The following RASGEF1C variants were observed in gnomAD, a reference collection of about 807,000 sequenced individuals.
The protein encoded by RASGEF1C is ras-GEF domain-containing family member 1C.
A neutral mutation model predicts 58.1 loss-of-function variants in RASGEF1C; 27 were observed. The ratio of observed to expected loss-of-function variants is 0.46; its 90% confidence interval spans 0.34 to 0.64. The LOEUF is 0.64. Ranked by LOEUF, RASGEF1C falls within the 30% of genes least tolerant of loss-of-function variation. The pLI is 0.01. For synonymous variants in RASGEF1C, 243 were observed against 246.3 expected, an observed-to-expected ratio of 0.99 and a Z score of 0.13; for missense variants, 502 against 605.1, an observed-to-expected ratio of 0.83 and a Z score of 1.79.
intron 1 of RASGEF1C, among the ~76,000 whole-genome samples, chr5:180,188,762 C>T (rs896558781): frequency 6.6e-5 from 10 of 152,102 alleles, no homozygotes; most frequent in African/African-American, 1.7e-4. Context: ...GCTTGGGGTA[C>T]GAATGATCCT....
At chr5:180,178,768 A>C (rs1330940554) in intron 1 of RASGEF1C, among the ~76,000 whole-genome samples, 1 of 152,012 alleles carries the variant, frequency 6.6e-6, no homozygotes, top group East Asian at 1.9e-4. Flanking sequence ...CGGGGTCCTT[A>C]TTGGCCATGA....
At chr5:180,192,408 C>T (rs1298525215) in intron 1 of RASGEF1C, among the ~76,000 whole-genome samples, 1 of 152,104 alleles carries the variant, frequency 6.6e-6, no homozygotes, top group African/African-American at 2.4e-5. Context: ...CAAGAGTGTT[C>T]ACATAGGCTG....
intron 4 of RASGEF1C, among the ~76,000 whole-genome samples, chr5:180,130,236 A>T (rs1376511038): frequency 6.6e-6 from 1 of 152,166 alleles, no homozygotes; most frequent in Non-Finnish European, 1.5e-5. Flanking sequence ...GGCCAGGGAA[A>T]CTAGGCTCCA....
chr5:180,179,571 G>T (rs145332736), intron 1 of RASGEF1C, among the ~76,000 whole-genome samples: 1 of 152,302 alleles, frequency 6.6e-6, no homozygotes, highest in East Asian at 1.9e-4. Context: ...AACCCAGCAA[G>T]AAAGCAGTGA....
intron 4 of RASGEF1C, among the ~76,000 whole-genome samples, chr5:180,132,220 T>C (rs371905773): frequency 2.0e-5 from 3 of 152,226 alleles, no homozygotes; most frequent in Non-Finnish European, 4.4e-5. Context: ...CTGATCATAG[T>C]TGGGAGGCTG....
At chr5:180,162,312 C>T (rs1174336242) in intron 1 of RASGEF1C, among the ~76,000 whole-genome samples, 1 of 152,232 alleles carries the variant, frequency 6.6e-6, no homozygotes, top group Non-Finnish European at 1.5e-5. Context: ...CTCAAAGCAG[C>T]AGGGTAAAAA....
intron 1 of RASGEF1C, among the ~76,000 whole-genome samples, chr5:180,195,717 A>T (rs372439072): frequency 7.3e-5 from 11 of 151,486 alleles, no homozygotes; most frequent in Admixed American, 5.3e-4. Flanking sequence ...AGCCGAGATC[A>T]CACCACTACT....
At chr5:180,111,194 G>A (rs1412588204) in intron 12 of RASGEF1C, among the ~76,000 whole-genome samples, 1 of 152,118 alleles carries the variant, frequency 6.6e-6, no homozygotes, top group African/African-American at 2.4e-5. Context: ...GAATTCTAAA[G>A]GTGTCCAAAC....
chr5:180,174,029 A>AGT (rs939557640), intron 1 of RASGEF1C, among the ~76,000 whole-genome samples: 1 of 151,282 alleles, frequency 6.6e-6, no homozygotes, highest in African/African-American at 2.4e-5. Flanking sequence ...AAGTTGGGGA[A>AGT]GTGTGGTCCT....
chr5:180,115,937 A>G lies in RASGEF1C; in HGVS notation c.1084-1396T>C, dbSNP rs193282208. The stretch of plus-strand genomic sequence containing the variant: ...GGTGCTGAGTCCCCAGTCCTAGTGC[A>G]GGTTCTGGACAGCCGAACTGTGTTG... On this transcript the variant is annotated intron_variant, in intron 10 of 13. Transcript: ENST00000361132. 5.9e-5 allele frequency among the ~76,000 whole-genome samples: 9 copies of G among 152,078 alleles called. No individual in the cohort carries two copies. In the East Asian group the frequency reaches 1.2e-3, roughly 20 times the overall value.
rs1451138409 is a variant in RASGEF1C, at chr5:180,153,815, T to C, written c.-6-15757A>G. Among the ~76,000 whole-genome samples, 3 of 152,086 alleles carry C rather than the reference T, an allele frequency of 2.0e-5. No homozygotes were observed. The East Asian group carries it at 5.8e-4, about 29-fold the overall frequency. ...GGACAGAACTTGCTAGCAGAAACAATACTGGTAAGAATAAGTATCTTATAT... is the reference window on the plus strand; with the variant it reads ...GGACAGAACTTGCTAGCAGAAACAACACTGGTAAGAATAAGTATCTTATAT... On this transcript the variant is annotated intron_variant, in intron 1 of 13. Coordinates refer to ENST00000361132, the MANE Select transcript of RASGEF1C (RefSeq NM_175062.4).
intron 1 of RASGEF1C, among the ~76,000 whole-genome samples, chr5:180,188,873 A>T (rs1197687540): frequency 5.3e-5 from 8 of 152,098 alleles, no homozygotes; most frequent in Non-Finnish European, 8.8e-5. Flanking sequence ...TGCCATCTTT[A>T]TGTCCACGAA....
At chr5:180,120,643 G>C (rs1044509924) in intron 7 of RASGEF1C, among the ~76,000 whole-genome samples, 8 of 152,210 alleles carry the variant, frequency 5.3e-5, no homozygotes, top group African/African-American at 1.9e-4. Flanking sequence ...GGAGCAGCTA[G>C]AACCACGGGC....
chr5:180,154,171 C>A (rs1215183313), intron 1 of RASGEF1C, among the ~76,000 whole-genome samples: 1 of 152,162 alleles, frequency 6.6e-6, no homozygotes, highest in African/African-American at 2.4e-5. Flanking sequence ...GACAGGTCTA[C>A]CCCCTGGGCA....
intron 6 of RASGEF1C, among the ~76,000 whole-genome samples, chr5:180,125,408 C>T (rs1766239228): frequency 6.6e-6 from 1 of 152,160 alleles, no homozygotes; most frequent in South Asian, 2.1e-4. Context: ...TAAAAGCATT[C>T]CTTTGAAAAT....
chr5:180,201,190 G>C (rs1756389527), intron 1 of RASGEF1C, among the ~76,000 whole-genome samples: 1 of 152,212 alleles, frequency 6.6e-6, no homozygotes, highest in South Asian at 2.1e-4. Flanking sequence ...CTGGGGAACT[G>C]AAAGGAGACA....
chr5:180,161,740 C>A (rs1180396772), intron 1 of RASGEF1C, among the ~76,000 whole-genome samples: 1 of 152,260 alleles, frequency 6.6e-6, no homozygotes, highest in Admixed American at 6.5e-5. Flanking sequence ...CTCCCTCCTG[C>A]GCGTGGCTGA....
At chr5:180,206,454 G>A (rs771854970) in intron 1 of RASGEF1C, among the ~76,000 whole-genome samples, 5 of 152,120 alleles carry the variant, frequency 3.3e-5, no homozygotes, top group African/African-American at 4.8e-5. Flanking sequence ...TCAAACCAGC[G>A]AGGCTGTGGG....
chr5:180,122,753 A>AC (rs1766196449), intron 6 of RASGEF1C, among the ~76,000 whole-genome samples: 1 of 147,402 alleles, frequency 6.8e-6, no homozygotes, highest in Admixed American at 6.8e-5. Flanking sequence ...AAAAAAAAAA[A>AC]AAAACTAAAA....
Sources: allele counts gnomAD v4.1 joint callset (sites outside exome capture counted in the v4.1 genomes callset), GRCh38; gene constraint gnomAD v4.1.1; transcripts MANE v1.5; gene names NCBI Gene and HGNC (gene_info 2026-07-23, HGNC 2026-07-21).